EMC2: variants seen among roughly 807,000 people sequenced by gnomAD.
EMC2 encodes the protein TPR repeat protein 35.
A neutral mutation model predicts 51.6 loss-of-function variants in EMC2; 37 were observed. That is an observed-to-expected ratio of 0.72 (90% CI 0.55 to 0.94). EMC2 has a LOEUF of 0.94. Ranked by LOEUF, EMC2 falls within the 40% of genes least tolerant of loss-of-function variation. The probability of loss-of-function intolerance (pLI) is 0.00; values close to 1 mark genes in which losing one functional copy is unlikely to be tolerated. For missense variants in EMC2, 359 were observed against 350.9 expected (o/e 1.02, Z -0.18); for synonymous variants, 131 against 112.4 (o/e 1.17, Z -1.04).
intron 5 of EMC2, chr8:108,464,011 C>G (rs1048000110): frequency 6.6e-6 from 1 of 152,324 alleles, no homozygotes; most frequent in African/African-American, 2.4e-5. Context: ...TCCTTCAATT[C>G]CTTATAAAAT....
At chr8:108,447,966 C>G (rs1289919850) in intron 1 of EMC2, among the ~76,000 whole-genome samples, 1 of 151,938 alleles carries the variant, frequency 6.6e-6, no homozygotes. Context: ...TGTAGGGCTT[C>G]ACATTTTATA....
At chr8:108,482,641 G>T (rs929128787) in intron 10 of EMC2, among the ~76,000 whole-genome samples, 1 of 151,962 alleles carries the variant, frequency 6.6e-6, no homozygotes, top group African/African-American at 2.4e-5. Flanking sequence ...CTGGAGTGCA[G>T]TGGCATGATC....
At chr8:108,478,903 T>A (rs982482870) in intron 9 of EMC2, 103 bp from the exon 10 acceptor site, 5 of 427,912 alleles carry the variant, frequency 1.2e-5, no homozygotes, top group Admixed American at 4.3e-5. Flanking sequence ...ATACAGTTTT[T>A]AAAAATTCTT....
intron 1 of EMC2, among the ~76,000 whole-genome samples, chr8:108,444,941 T>C (rs1586171581): frequency 6.6e-6 from 1 of 152,144 alleles, no homozygotes; most frequent in East Asian, 1.9e-4. Flanking sequence ...GTAAGCTGAG[T>C]CGTAGATAAA....
At chr8:108,479,705 T>G (rs1805586392) in intron 10 of EMC2, among the ~76,000 whole-genome samples, 1 of 152,156 alleles carries the variant, frequency 6.6e-6, no homozygotes, top group South Asian at 2.1e-4. Flanking sequence ...AAAGGACAAT[T>G]TGGCTTTTTA....
At chr8:108,453,004 C>G in intron 3 of EMC2, 58 bp from the exon 4 acceptor site, 2 of 830,752 alleles carry the variant, frequency 2.4e-6, no homozygotes, top group South Asian at 3.6e-5. Flanking sequence ...TATAGGCCAT[C>G]CATTGTAGCC....
intron 10 of EMC2, among the ~76,000 whole-genome samples, chr8:108,480,302 A>G (rs964445725): frequency 1.3e-5 from 2 of 151,594 alleles, no homozygotes; most frequent in Admixed American, 1.3e-4. Context: ...TCTTTCCTCC[A>G]TGTTTAAATG....
chr8:108,444,826 G>C (rs558625742), intron 1 of EMC2, among the ~76,000 whole-genome samples: 2 of 152,140 alleles, frequency 1.3e-5, no homozygotes, highest in East Asian at 3.9e-4. Flanking sequence ...GCAAAATCTT[G>C]GCTCTGTCAA....
chr8:108,459,585 G>T (rs1242950747), intron 5 of EMC2, among the ~76,000 whole-genome samples: 1 of 152,074 alleles, frequency 6.6e-6, no homozygotes, highest in Non-Finnish European at 1.5e-5. Context: ...TGAGAACAGT[G>T]CAGGAAAGAC....
rs1303849863 is a variant in EMC2 at position 108,479,067 on chromosome 8, A to T, written c.764A>T (p.Lys255Ile). The T allele has an allele frequency of 6.3e-7, 1 of 1,592,182 alleles. No individual in the cohort carries two copies. Residue 255 changes from lysine (K) to isoleucine (I), a missense_variant, in exon 10 of 11, where the codon AAA (lysine) becomes ATA (isoleucine). Coordinates refer to ENST00000220853, the MANE Select transcript of EMC2 (RefSeq NM_014673.5). ...ASAKTKKDNM[K>I]YASWAASQIN... Reference sequence around the variant, plus strand: ...GCAAAAACGAAAAAGGACAACATGAAATATGCTAGTTGGGCAGCTAGTCAA... The same window carrying T: ...GCAAAAACGAAAAAGGACAACATGATATATGCTAGTTGGGCAGCTAGTCAA...
In EMC2 at chr8:108,481,009, G is replaced by C. The variant is rs148560831; in HGVS notation, c.807+1899G>C. 1.7e-4 allele frequency among the ~76,000 whole-genome samples: 26 copies of C among 152,244 alleles called. No individual in the cohort carries two copies. The East Asian group carries it at 5.0e-3, about 29-fold the overall frequency. ...TGTTTGGTTTTTGGTTTCTTGTAGA[G>C]TAGTAGGTTGTCCTCTATTACTTTC... On this transcript the variant is annotated intron_variant, in intron 10 of 10. Transcript: ENST00000220853.
At chr8:108,459,794 G>C (rs907841809) in intron 5 of EMC2, among the ~76,000 whole-genome samples, 10 of 151,548 alleles carry the variant, frequency 6.6e-5, no homozygotes, top group Admixed American at 2.0e-4. Context: ...TCATTATTTT[G>C]TGAAGATTCT....
intron 10 of EMC2, among the ~76,000 whole-genome samples, chr8:108,482,100 A>G (rs1310540732): frequency 6.6e-6 from 1 of 152,170 alleles, no homozygotes; most frequent in Non-Finnish European, 1.5e-5. Flanking sequence ...AATTTTCCAA[A>G]TTAGTTTACT....
In EMC2 at chr8:108,476,910, T is replaced by A; in HGVS notation, c.702+18T>A. On this transcript the variant is annotated intron_variant, in intron 9 of 10. Coordinates refer to ENST00000220853, the MANE Select transcript of EMC2 (RefSeq NM_014673.5). The stretch of plus-strand genomic sequence containing the variant: ...TTTATATGGTGAGTTGAGGTGCATG[T>A]TTAATGTTATTTTTAAAAATCTGTC... The A allele has an allele frequency of 3.6e-6, 4 of 1,116,664 alleles. No individual in the cohort carries two copies. Among genetic ancestry groups the A allele is most frequent in the Non-Finnish European group, 5.5e-6 (4 of 729,618 alleles). The allele number at this position is 1,116,664 out of a possible 1,614,324, so 69.2% of individuals were successfully genotyped here. A position where few individuals can be genotyped will look rare whatever the true frequency, so the allele number is the denominator to read the frequency against.
intron 5 of EMC2, among the ~76,000 whole-genome samples, chr8:108,464,868 C>T (rs901494594): frequency 6.6e-5 from 10 of 152,160 alleles, no homozygotes; most frequent in African/African-American, 2.4e-4. Context: ...CCAGAAGATG[C>T]TTTTAAAATG....
At chr8:108,479,470 TAGAAA>T (rs1160223517) in intron 10 of EMC2, among the ~76,000 whole-genome samples, 9 of 152,070 alleles carry the variant, frequency 5.9e-5, no homozygotes, top group African/African-American at 9.7e-5. Flanking sequence ...TCTCAAGAAA[TAGAAA>T]AGAAGGAAGA....
At chr8:108,481,107 G>A (rs1287553783) in intron 10 of EMC2, among the ~76,000 whole-genome samples, 1 of 152,022 alleles carries the variant, frequency 6.6e-6, no homozygotes, top group Admixed American at 6.6e-5. Flanking sequence ...ACATTCTAGG[G>A]TTTGGAAAAT....
chr8:108,459,534 A>G (rs1249551093), intron 5 of EMC2, among the ~76,000 whole-genome samples: 3 of 152,166 alleles, frequency 2.0e-5, no homozygotes, highest in Non-Finnish European at 4.4e-5. Context: ...GGAAACTCCC[A>G]TTTTAAAACT....
intron 1 of EMC2, chr8:108,446,399 T>A: frequency 3.0e-6 from 1 of 335,372 alleles, no homozygotes; most frequent in South Asian, 2.3e-5. Context: ...GGTTGAGAGA[T>A]CAGTTTGGAA....
Sources: gnomAD v4.1 joint callset for allele counts (sites outside exome capture counted in the v4.1 genomes callset) on GRCh38, gnomAD v4.1.1 for gene constraint, MANE v1.5 for transcripts, NCBI Gene and HGNC (gene_info 2026-07-23, HGNC 2026-07-21) for gene names.